Variants in DCDC1 observed in about 807,000 individuals in gnomAD.
The protein encoded by DCDC1 is doublecortin domain containing 1.
Under a neutral mutation model 178.3 loss-of-function variants are expected in DCDC1, and 200 were observed. The observed-to-expected ratio is 1.12, with a 90% CI of 1.00 to 1.26. DCDC1 has a LOEUF of 1.26. Among genes scored for constraint, DCDC1 ranks in the 50% most tolerant of loss-of-function variants. The probability of loss-of-function intolerance (pLI) is 0.00; values close to 1 mark genes in which losing one functional copy is unlikely to be tolerated. For missense variants in DCDC1, 1,983 were observed against 1,749.2 expected (o/e 1.13, Z -2.38); for synonymous variants, 690 against 604.8 (o/e 1.14, Z -2.07).
intron 20 of DCDC1, among the ~76,000 whole-genome samples, chr11:31,002,778 T>C (rs947279905): frequency 7.9e-5 from 12 of 152,152 alleles, no homozygotes; most frequent in Non-Finnish European, 1.6e-4. Flanking sequence ...TTGGGGAGCA[T>C]ATTTGTGACC....
intron 26 of DCDC1, among the ~76,000 whole-genome samples, chr11:30,916,072 A>G (rs1360103968): frequency 6.6e-6 from 1 of 152,222 alleles, no homozygotes; most frequent in Non-Finnish European, 1.5e-5. Context: ...GAATAAAAAC[A>G]GAGAAATAAA....
chr11:31,007,154 C>T (rs1951891160), intron 20 of DCDC1, among the ~76,000 whole-genome samples: 1 of 152,110 alleles, frequency 6.6e-6, no homozygotes, highest in East Asian at 1.9e-4. Flanking sequence ...TTTAAAAATA[C>T]ATGTACCGTG....
chr11:31,177,858 G>A (rs2136265203), intron 9 of DCDC1, among the ~76,000 whole-genome samples: 1 of 152,118 alleles, frequency 6.6e-6, no homozygotes, highest in Non-Finnish European at 1.5e-5. Context: ...CAACACTGGA[G>A]CCCCCACATA....
At chr11:31,175,240 C>A (rs967314910) in intron 9 of DCDC1, among the ~76,000 whole-genome samples, 1 of 152,178 alleles carries the variant, frequency 6.6e-6, no homozygotes, top group African/African-American at 2.4e-5. Context: ...AGGAAGCTGG[C>A]ACCTGTGCCA....
intron 9 of DCDC1, among the ~76,000 whole-genome samples, chr11:31,164,954 T>G (rs548052606): frequency 6.6e-6 from 1 of 152,330 alleles, no homozygotes; most frequent in South Asian, 2.1e-4. Context: ...TATCATGTTT[T>G]TACTGTACCT....
intron 36 of DCDC1, among the ~76,000 whole-genome samples, chr11:30,888,104 AAGAAAGAAAGAAAG>A (rs1565029801): frequency 3.2e-4 from 33 of 102,304 alleles, no homozygotes; most frequent in Admixed American, 1.0e-3. Flanking sequence ...AAGAAAAAGA[AAGAAAGAAAGAAAG>A]AAAGAAAGAA....
chr11:31,101,674 C>T (rs1268894670), intron 15 of DCDC1, among the ~76,000 whole-genome samples: 2 of 152,006 alleles, frequency 1.3e-5, no homozygotes, highest in African/African-American at 4.8e-5. Context: ...TATTGTTTTC[C>T]GTTTTGAAGT....
chr11:31,234,325 A>C (rs900392626), intron 9 of DCDC1, among the ~76,000 whole-genome samples: 10 of 152,246 alleles, frequency 6.6e-5, no homozygotes, highest in Non-Finnish European at 1.5e-4. Context: ...ATATAAAATA[A>C]GAGCAAAGAA....
chr11:31,348,714 C>T (rs1950929798), intron 1 of DCDC1, among the ~76,000 whole-genome samples: 1 of 152,158 alleles, frequency 6.6e-6, no homozygotes, highest in Non-Finnish European at 1.5e-5. Flanking sequence ...GTTGCTGCCA[C>T]ACTCAACCTT....
intron 1 of DCDC1, among the ~76,000 whole-genome samples, chr11:31,344,620 T>C (rs1950723221): frequency 6.6e-6 from 1 of 152,218 alleles, no homozygotes; most frequent in Admixed American, 6.5e-5. Flanking sequence ...GTAGGCACCA[T>C]GTGTCAGCTA....
rs550144793 is a variant in DCDC1 at position 30,915,012 on chromosome 11, A to T, written c.3653+499T>A. On this transcript the variant is annotated intron_variant, in intron 27 of 38. Coordinates refer to ENST00000684477, the MANE Select transcript of DCDC1 (RefSeq NM_001387274.1). The stretch of plus-strand genomic sequence containing the variant: ...TGGATCCAGGACCAGACATTGAATT[A>T]GGTTGATATATTTGCTAAGATAGGA... Among the ~76,000 whole-genome samples the T allele has an allele frequency of 1.2e-4, 18 of 152,284 alleles. No homozygotes were observed. In the South Asian group the frequency reaches 3.5e-3, roughly 30 times the overall value.
intron 20 of DCDC1, among the ~76,000 whole-genome samples, chr11:30,955,374 G>A (rs902582380): frequency 4.6e-5 from 7 of 152,214 alleles, no homozygotes; most frequent in Middle Eastern, 3.4e-3. Flanking sequence ...ATTTATTGAA[G>A]AGTTTACTAT....
At chr11:30,990,470 T>C (rs542537998) in intron 20 of DCDC1, among the ~76,000 whole-genome samples, 8 of 152,068 alleles carry the variant, frequency 5.3e-5, no homozygotes, top group African/African-American at 1.9e-4. Flanking sequence ...TCTTTATGAG[T>C]CGTGGGCTCT....
chr11:31,168,859 TTTA>T (rs1313731061), intron 9 of DCDC1, among the ~76,000 whole-genome samples: 2 of 152,090 alleles, frequency 1.3e-5, no homozygotes, highest in Non-Finnish European at 2.9e-5. Flanking sequence ...AATTATGCAA[TTTA>T]TTATTTTATT....
At chr11:31,136,438 T>C (rs1963140996) in intron 10 of DCDC1, among the ~76,000 whole-genome samples, 1 of 152,084 alleles carries the variant, frequency 6.6e-6, no homozygotes, top group South Asian at 2.1e-4. Flanking sequence ...GTGTCCCAAA[T>C]ACTAATATGG....
At chr11:30,960,588 T>C (rs1206640317) in intron 20 of DCDC1, among the ~76,000 whole-genome samples, 1 of 152,126 alleles carries the variant, frequency 6.6e-6, no homozygotes, top group African/African-American at 2.4e-5. Context: ...TAGCACTAGG[T>C]GGAGACAGTG....
chr11:31,212,833 A>G (rs1972744976), intron 9 of DCDC1, among the ~76,000 whole-genome samples: 1 of 152,232 alleles, frequency 6.6e-6, no homozygotes, highest in Admixed American at 6.5e-5. Flanking sequence ...AAAACTGTGT[A>G]CAAGGACATT....
Position 30,903,602 on chromosome 11 carries a change from T to G in DCDC1, c.4390A>C (p.Thr1464Pro). 2 of 1,611,132 alleles carry G rather than the reference T, an allele frequency of 1.2e-6. No individual in the cohort carries two copies. The highest frequency in any genetic ancestry group is 1.7e-6 in the Non-Finnish European group (2 of 1,178,662). Residue 1464 changes from threonine (T) to proline (P), a missense_variant, in exon 32 of 39, where the codon ACC becomes CCC. Physicochemically the swap from Thr to Pro is conservative, Grantham distance 38. Coordinates refer to ENST00000684477, the MANE Select transcript of DCDC1 (RefSeq NM_001387274.1). ...GCCCATAAAACCAAATCACGCAAGG[T>G]AAAGATTGGGGTTCCATCTTTGGTA... is the stretch of plus-strand genomic sequence containing the variant. ...VYTKDGTPIF[T>P]LRDLVLWALD...
At chr11:30,998,018 G>T (rs1285515039) in intron 20 of DCDC1, among the ~76,000 whole-genome samples, 1 of 152,140 alleles carries the variant, frequency 6.6e-6, no homozygotes, top group African/African-American at 2.4e-5. Context: ...GTGGGGGCAG[G>T]CACAGTGGCT....
Sources: allele counts gnomAD v4.1 joint callset (sites outside exome capture counted in the v4.1 genomes callset), GRCh38; gene constraint gnomAD v4.1.1; transcripts MANE v1.5; gene names NCBI Gene and HGNC (gene_info 2026-07-23, HGNC 2026-07-21).